Variants in LRRTM4 observed in about 807,000 individuals in gnomAD.
The protein encoded by LRRTM4 is leucine rich repeat transmembrane neuronal 4.
LRRTM4 carries 25 observed loss-of-function variants against 47.6 expected under a neutral mutation model. The ratio of observed to expected loss-of-function variants is 0.53; its 90% CI spans 0.38 to 0.73. The LOEUF (loss-of-function observed/expected upper bound fraction) is 0.73. Ranked by LOEUF, LRRTM4 falls within the 30% of genes least tolerant of loss-of-function variation. The pLI, the probability that LRRTM4 is intolerant of heterozygous loss-of-function variation, is 0.00. For missense variants in LRRTM4, 638 were observed against 713.4 expected (o/e 0.89, Z 1.20); for synonymous variants, 311 against 269.5 (o/e 1.15, Z -1.51).
chr2:76,974,840 CTTTT>C (rs948837138), intron 3 of LRRTM4, among the ~76,000 whole-genome samples: 1 of 151,356 alleles, frequency 6.6e-6, no homozygotes, highest in Admixed American at 6.6e-5. Context: ...CCATTTTACT[CTTTT>C]TTTTAATTGG....
At chr2:77,127,035 C>A (rs1023875195) in intron 3 of LRRTM4, among the ~76,000 whole-genome samples, 1 of 152,110 alleles carries the variant, frequency 6.6e-6, no homozygotes, top group African/African-American at 2.4e-5. Context: ...CTTCTCCCTC[C>A]CATTCCCATG....
chr2:77,139,103 A>T (rs549834665), intron 3 of LRRTM4, among the ~76,000 whole-genome samples: 1 of 152,114 alleles, frequency 6.6e-6, no homozygotes, highest in African/African-American at 2.4e-5. Flanking sequence ...AAAAGAAGGA[A>T]TCCTCCCTAA....
At position 77,103,647 on chromosome 2, in the gene LRRTM4, G is replaced by GTATATATATATATA. The variant is rs367583554; in HGVS notation, c.1552-354745_1552-354732dup. On this transcript the variant is annotated intron_variant, in intron 3 of 3. Transcript: ENST00000409884. Reference sequence around the variant, plus strand: ...TCAGGAGAGTGTTATATACATGAGTGTATATATATATATATAGATATATAT... The same window carrying GTATATATATATATA: ...TCAGGAGAGTGTTATATACATGAGTGTATATATATATATATATATATATATATATAGATATATAT... Among the ~76,000 whole-genome samples the GTATATATATATATA allele has an allele frequency of 8.3e-3, 1,033 of 123,760 alleles. 16 individuals carry two copies. Among genetic ancestry groups the GTATATATATATATA allele is most frequent in the East Asian group, 0.027 (82 of 3,046 alleles). 81.2% of individuals were successfully genotyped at this position (123,760 alleles called of 152,430 possible).
At chr2:76,814,099 C>G (rs1670827628) in intron 3 of LRRTM4, among the ~76,000 whole-genome samples, 1 of 152,034 alleles carries the variant, frequency 6.6e-6, no homozygotes, top group South Asian at 2.1e-4. Flanking sequence ...TCAACATGCC[C>G]TCAATTGGGA....
chr2:77,455,206 A>G (rs1272076683), intron 3 of LRRTM4, among the ~76,000 whole-genome samples: 2 of 152,164 alleles, frequency 1.3e-5, no homozygotes, highest in African/African-American at 4.8e-5. Flanking sequence ...TAAATGTCCC[A>G]TTTTTAAATG....
intron 3 of LRRTM4, among the ~76,000 whole-genome samples, chr2:76,842,372 T>G (rs142071701): frequency 1.3e-5 from 2 of 152,190 alleles, no homozygotes; most frequent in Non-Finnish European, 2.9e-5. Context: ...TGTAAGTCAA[T>G]AGCTTATAAT....
chr2:77,265,671 A>T lies in LRRTM4; in HGVS notation c.1551+252647T>A, dbSNP rs148123031. 8.3e-3 allele frequency among the ~76,000 whole-genome samples: 1,268 copies of T among 152,292 alleles called. 14 individuals are homozygous for T. The highest frequency in any genetic ancestry group is 0.028 in the African/African-American group (1,164 of 41,570). On this transcript the variant is annotated intron_variant, in intron 3 of 3. Coordinates refer to ENST00000409884, the MANE Select transcript of LRRTM4 (RefSeq NM_001134745.3). ...GTTGCATTAGTAATATGTACAAAGAAGTGTACTATGAGATTTTACATGTAA... is the reference window on the plus strand; with the variant it reads ...GTTGCATTAGTAATATGTACAAAGATGTGTACTATGAGATTTTACATGTAA...
chr2:77,219,082 A>C (rs546041568), intron 3 of LRRTM4, among the ~76,000 whole-genome samples: 1 of 152,320 alleles, frequency 6.6e-6, no homozygotes, highest in South Asian at 2.1e-4. Context: ...ATAAATAGGC[A>C]GGGTTAAAAT....
intron 3 of LRRTM4, among the ~76,000 whole-genome samples, chr2:76,806,437 AG>A (rs1675971243): frequency 6.6e-6 from 1 of 151,938 alleles, no homozygotes; most frequent in African/African-American, 2.4e-5. Context: ...CAAAATTAGC[AG>A]GGCGTGGTAG....
At chr2:77,038,232 C>T (rs977629064) in intron 3 of LRRTM4, among the ~76,000 whole-genome samples, 1 of 151,448 alleles carries the variant, frequency 6.6e-6, no homozygotes, top group African/African-American at 2.4e-5. Context: ...TAAAAAGAGT[C>T]AAGGCCATGG....
At chr2:77,036,140 C>T (rs1186886228) in intron 3 of LRRTM4, among the ~76,000 whole-genome samples, 1 of 151,292 alleles carries the variant, frequency 6.6e-6, no homozygotes, top group Non-Finnish European at 1.5e-5. Context: ...ATGTAGACCA[C>T]AAAACAGAAA....
intron 3 of LRRTM4, among the ~76,000 whole-genome samples, chr2:76,832,889 G>C (rs1400845): frequency 0.25 from 38,415 of 151,910 alleles, 5,308 homozygotes; most frequent in East Asian, 0.4. Context: ...ATGCTGACTC[G>C]TGTAACCCAG....
intron 3 of LRRTM4, among the ~76,000 whole-genome samples, chr2:76,786,104 C>G (rs1046441326): frequency 6.6e-6 from 1 of 152,094 alleles, no homozygotes; most frequent in East Asian, 1.9e-4. Flanking sequence ...ACCCTCACCT[C>G]AACTTCAGCT....
At chr2:77,469,904 G>C (rs1235226534) in intron 3 of LRRTM4, among the ~76,000 whole-genome samples, 1 of 152,096 alleles carries the variant, frequency 6.6e-6, no homozygotes, top group Non-Finnish European at 1.5e-5. Flanking sequence ...CCATTTTTAA[G>C]TGATTATTAG....
At chr2:77,086,476 A>ATT (rs762359320) in intron 3 of LRRTM4, among the ~76,000 whole-genome samples, 2,697 of 131,114 alleles carry the variant, frequency 0.021, 116 homozygotes, top group African/African-American at 0.068. Context: ...ACATATAATA[A>ATT]TTTTTTTTTT....
At chr2:76,759,208 C>G (rs759610020) in intron 3 of LRRTM4, among the ~76,000 whole-genome samples, 25 of 152,086 alleles carry the variant, frequency 1.6e-4, no homozygotes, top group Non-Finnish European at 3.5e-4. Flanking sequence ...AATTCCACTT[C>G]CCTGTGGTTT....
At chr2:76,981,804 T>C (rs1050782047) in intron 3 of LRRTM4, among the ~76,000 whole-genome samples, 29 of 152,146 alleles carry the variant, frequency 1.9e-4, no homozygotes, top group African/African-American at 7.0e-4. Context: ...CATCTTTTTT[T>C]TTAAATCTAT....
Position 76,871,080 on chromosome 2 carries a change from A to G in LRRTM4, c.1552-122164T>C, listed in dbSNP as rs148634247. On this transcript the variant is annotated intron_variant, in intron 3 of 3. Transcript: ENST00000409884. ...ATTATAAAATCTTTGGGAAAAAATC[A>G]ATATCAATACAACATCAGTATGGCC... Among the ~76,000 whole-genome samples, 623 of 152,318 alleles carry G rather than the reference A, an allele frequency of 4.1e-3. 7 individuals are homozygous for G. Among genetic ancestry groups the G allele is most frequent in the African/African-American group, 0.014 (590 of 41,564 alleles).
At chr2:76,934,545 A>C (rs2103843333) in intron 3 of LRRTM4, among the ~76,000 whole-genome samples, 1 of 152,260 alleles carries the variant, frequency 6.6e-6, no homozygotes, top group East Asian at 1.9e-4. Flanking sequence ...TTCTCCAGGC[A>C]AAAAAATTTA....
Sources: gnomAD v4.1 joint callset for allele counts (sites outside exome capture counted in the v4.1 genomes callset) on GRCh38, gnomAD v4.1.1 for gene constraint, MANE v1.5 for transcripts, NCBI Gene and HGNC (gene_info 2026-07-23, HGNC 2026-07-21) for gene names.